EPHB6: variants seen among roughly 807,000 people sequenced by gnomAD.
EPHB6 encodes the protein EPH receptor B6.
In EPHB6, 51 loss-of-function variants were observed where a neutral mutation model predicts 107.0. The ratio of observed to expected loss-of-function variants is 0.48; its 90% CI spans 0.38 to 0.60. The LOEUF is 0.60. EPHB6 is among the 20% of genes least tolerant of loss of function. The probability of loss-of-function intolerance (pLI) is 0.00; values close to 1 mark genes in which losing one functional copy is unlikely to be tolerated. For synonymous variants in EPHB6, 553 were observed against 549.0 expected (o/e 1.01, Z -0.10); for missense variants, 1,141 against 1,355.5 (o/e 0.84, Z 2.48).
Position 142,868,520 on chromosome 7 carries a change from C to T in EPHB6, c.2067C>T (p.Arg689=). 1.2e-6 allele frequency: 2 copies of T among 1,613,876 alleles called. No individual in the cohort carries two copies. Among genetic ancestry groups the T allele is most frequent in the Non-Finnish European group, 1.7e-6 (2 of 1,180,038 alleles). The change falls in exon 15 of 20, where the codon CGC becomes CGT. Residue 689 remains arginine (R), a synonymous_variant. Coordinates refer to ENST00000652003, the MANE Select transcript of EPHB6 (RefSeq NM_004445.6). This position sits in a 1 kb window ranked among gnomAD's most constrained non-coding sequence, Gnocchi z 4.2. ...CTTTTGGAGAAGTGCGCCAGGGCCG[C>T]CTGCAGCCACGGGGACGGAGGGAGC... ...TGSFGEVRQG[R]LQPRGRREQT...
rs1478393209 is a variant in EPHB6 at position 142,864,254 on chromosome 7, T to A, written c.454T>A (p.Trp152Arg). 6.2e-7 allele frequency: 1 copy of A among 1,613,758 alleles called. No homozygotes were observed. Reference sequence around the variant, plus strand: ...CGTTTCCTCCTGGCACCTCAAACGCTGGACCAAGGTGGACACAATTGCAGC... The same window carrying A: ...CGTTTCCTCCTGGCACCTCAAACGCAGGACCAAGGTGGACACAATTGCAGC... ...DSVSSWHLKR[W>R]TKVDTIAADE... Residue 152 changes from tryptophan to arginine, a missense_variant, in exon 7 of 20, where the codon TGG becomes AGG. Physicochemically the swap from Trp to Arg is moderately radical, Grantham distance 101. Coordinates refer to ENST00000652003, the MANE Select transcript of EPHB6 (RefSeq NM_004445.6).
In EPHB6 at chr7:142,858,597, A is replaced by G. The variant is rs915942330; in HGVS notation, c.-431-2455A>G. Among the ~76,000 whole-genome samples the G allele has an allele frequency of 2.3e-4, 23 of 101,012 alleles. No homozygotes were observed. The East Asian group carries it at 2.6e-3, about 12-fold the overall frequency. The allele number at this position is 101,012 out of a possible 152,430, so 66.3% of individuals were successfully genotyped here. On this transcript the variant is annotated intron_variant, in intron 1 of 19. Coordinates refer to ENST00000652003, the MANE Select transcript of EPHB6 (RefSeq NM_004445.6). ...ACTACAGGCACACGCCACCACGCCC[A>G]GCTAATTTTTTTTTTTTTTTTTGTA...
In EPHB6 at chr7:142,870,251, C is replaced by T. The variant is rs778669235; in HGVS notation, c.2648C>T (p.Pro883Leu). Residue 883 changes from proline (P) to leucine (L), a missense_variant, in exon 18 of 20, where the codon CCG becomes CTG. Physicochemically the swap from Pro to Leu is moderately conservative, Grantham distance 98. Coordinates refer to ENST00000652003, the MANE Select transcript of EPHB6 (RefSeq NM_004445.6). ...NAIEQEFRLP[P>L]PPGCPPGLHL... ...ATAGAGCAGGAGTTCCGGCTGCCCC[C>T]GCCTCCAGGCTGTCCTCCTGGATTA... 9.9e-6 allele frequency: 16 copies of T among 1,614,224 alleles called. No individual in the cohort carries two copies. Among genetic ancestry groups the T allele is most frequent in the Admixed American group, 6.7e-5 (4 of 60,032 alleles).
At position 142,868,394 on chromosome 7, in the gene EPHB6, G is replaced by A. The variant is rs558305973; in HGVS notation, c.2038+34G>A. On this transcript the variant is annotated intron_variant, in intron 14 of 19. Transcript: ENST00000652003. The surrounding 1 kb of genome is among the most constrained non-coding windows in gnomAD (Gnocchi z 4.2). ...GGGCCAAAGCAGGGATCAGAGCGAC[G>A]GGGCTCCCTTGTGGCCTCCGCTGGC... The A allele has an allele frequency of 1.1e-5, 17 of 1,613,918 alleles. No individual in the cohort carries two copies. The highest frequency in any genetic ancestry group is 1.6e-4 in the Middle Eastern group (1 of 6,062).
Position 142,869,976 on chromosome 7 carries a change from G to T in EPHB6, c.2610+10G>T. The T allele has an allele frequency of 6.2e-7, 1 of 1,614,144 alleles. No individual in the cohort carries two copies. Among genetic ancestry groups the T allele is most frequent in the Non-Finnish European group, 8.5e-7 (1 of 1,180,028 alleles). ...CATGAGTGAGCAGGAGGTGAGCACT[G>T]ACCTAGACACTGCTGATTTCCCACC... is the stretch of plus-strand genomic sequence containing the variant. On this transcript the variant is annotated intron_variant, in intron 17 of 19. Coordinates refer to ENST00000652003, the MANE Select transcript of EPHB6 (RefSeq NM_004445.6). This position sits in a 1 kb window ranked among gnomAD's most constrained non-coding sequence, Gnocchi z 4.5.
rs8177175 is a variant in EPHB6 at position 142,866,517 on chromosome 7, G to C, written c.1499G>C (p.Arg500Pro). The C allele has an allele frequency of 6.2e-7, 1 of 1,614,022 alleles. No individual in the cohort carries two copies. Among genetic ancestry groups the C allele is most frequent in the Non-Finnish European group, 8.5e-7 (1 of 1,180,028 alleles). The change falls in exon 10 of 20, where the codon CGG becomes CCG. Residue 500 changes from arginine (R) to proline (P), a missense_variant. By Grantham distance (103) the Arg-to-Pro change is moderately radical. Around this residue, in one of 3 missense-constraint regions of EPHB6, gnomAD observed 616 missense variants for 759.3 expected, o/e 0.81. Coordinates refer to ENST00000652003, the MANE Select transcript of EPHB6 (RefSeq NM_004445.6). This position sits in a 1 kb window ranked among gnomAD's most constrained non-coding sequence, Gnocchi z 5.2. Reference protein sequence around the residue: ...SAVPVVHQVSRASNSITVSWP... With the variant: ...SAVPVVHQVSPASNSITVSWP... ...GTCCCTGTGGTGCACCAGGTGAGCCGGGCATCCAACAGCATCACGGTGTCC... is the reference window on the plus strand; with the variant it reads ...GTCCCTGTGGTGCACCAGGTGAGCCCGGCATCCAACAGCATCACGGTGTCC...
chr7:142,866,186 C>A lies in EPHB6; in HGVS notation c.1332C>A (p.Ser444Arg). 1 of 1,614,118 alleles carries A rather than the reference C, an allele frequency of 6.2e-7. No individual in the cohort carries two copies. Among genetic ancestry groups the A allele is most frequent in the Non-Finnish European group, 8.5e-7 (1 of 1,180,022 alleles). ...FDPRQRGLTE[S>R]RVLVGGLRAH... ...CTCGCCAGAGAGGCCTGACTGAGAG[C>A]CGAGTGTTAGTGGGGGGACTCCGGG... is the stretch of plus-strand genomic sequence containing the variant. The change falls in exon 9 of 20, where the codon AGC becomes AGA. Residue 444 changes from serine (S) to arginine (R), a missense_variant. Physicochemically the swap from Ser to Arg is moderately radical, Grantham distance 110. This residue lies in a region of EPHB6 where 304 missense variants were observed against 295.7 expected (regional missense o/e 1.03). Coordinates refer to ENST00000652003, the MANE Select transcript of EPHB6 (RefSeq NM_004445.6). This position sits in a 1 kb window ranked among gnomAD's most constrained non-coding sequence, Gnocchi z 5.2.
At position 142,866,530 on chromosome 7, in the gene EPHB6, C is replaced by T; in HGVS notation, c.1512C>T (p.Ser504=). The change falls in exon 10 of 20, where the codon AGC becomes AGT. Residue 504 remains serine (S), a synonymous_variant. Coordinates refer to ENST00000652003, the MANE Select transcript of EPHB6 (RefSeq NM_004445.6). This position sits in a 1 kb window ranked among gnomAD's most constrained non-coding sequence, Gnocchi z 5.2. ...ACCAGGTGAGCCGGGCATCCAACAG[C>T]ATCACGGTGTCCTGGCCGCAGCCCG... The part of the protein sequence containing the change: ...VVHQVSRASN[S]ITVSWPQPDQ... 6.2e-7 allele frequency: 1 copy of T among 1,614,204 alleles called. No homozygotes were observed. Among genetic ancestry groups the T allele is most frequent in the South Asian group, 1.1e-5 (1 of 91,080 alleles).
intron 4 of EPHB6, 133 bp downstream of exon 4, chr7:142,862,966 G>A (rs1802914388): frequency 1.8e-6 from 1 of 544,346 alleles, no homozygotes; most frequent in Non-Finnish European, 3.3e-6. Context: ...CGGCTCAGGA[G>A]AGGCAGTATG....
At chr7:142,862,899 A>G (rs8177134) in intron 4 of EPHB6, 66 bp downstream of exon 4, 5,964 of 315,870 alleles carry the variant, frequency 0.019, 83 homozygotes, top group Middle Eastern at 0.029. Context: ...AAATGAACAC[A>G]GAGACAGGGT....
Position 142,866,198 on chromosome 7 carries a change from G to T in EPHB6, c.1344G>T (p.Val448=). The part of the protein sequence containing the change: ...QRGLTESRVL[V]GGLRAHVPYI... The stretch of plus-strand genomic sequence containing the variant: ...GCCTGACTGAGAGCCGAGTGTTAGT[G>T]GGGGGACTCCGGGCACACGTACCCT... The change falls in exon 9 of 20, where the codon GTG becomes GTT. Residue 448 remains valine (V), a synonymous_variant. Coordinates refer to ENST00000652003, the MANE Select transcript of EPHB6 (RefSeq NM_004445.6). This position sits in a 1 kb window ranked among gnomAD's most constrained non-coding sequence, Gnocchi z 5.2. 1.2e-6 allele frequency: 2 copies of T among 1,614,124 alleles called. No individual in the cohort carries two copies. The highest frequency in any genetic ancestry group is 1.7e-6 in the Non-Finnish European group (2 of 1,180,010).
chr7:142,856,976 C>A (rs1223886037), intron 1 of EPHB6, among the ~76,000 whole-genome samples: 1 of 152,232 alleles, frequency 6.6e-6, no homozygotes, highest in African/African-American at 2.4e-5. Context: ...ACTCCTGGCA[C>A]TCAGGGGCTT....
intron 5 of EPHB6, 57 bp downstream of exon 5, chr7:142,863,384 G>A: frequency 6.6e-7 from 1 of 1,521,882 alleles, no homozygotes; most frequent in South Asian, 1.1e-5. Context: ...CAGTGAAAGG[G>A]GGAAGTGGGA....
chr7:142,863,907 C>T (rs1802976398), intron 6 of EPHB6, 59 bp from the exon 7 acceptor site: 1 of 1,611,194 alleles, frequency 6.2e-7, no homozygotes. Context: ...TCCCTATAAC[C>T]TCTACCTCGC....
chr7:142,867,380 A>T lies in EPHB6; in HGVS notation c.1751-228A>T. On this transcript the variant is annotated intron_variant, in intron 11 of 19. Coordinates refer to ENST00000652003, the MANE Select transcript of EPHB6 (RefSeq NM_004445.6). This position sits in a 1 kb window ranked among gnomAD's most constrained non-coding sequence, Gnocchi z 5.3. ...GTGTGTTGTGTGTCCCTGTGTGTGG[A>T]TGTGGAGGGCTGTGGGGATGTGTGT... 1.6e-6 allele frequency: 1 copy of T among 613,142 alleles called. No homozygotes were observed. The highest frequency in any genetic ancestry group is 1.8e-5 in the South Asian group (1 of 55,782). 38.0% of individuals were successfully genotyped at this position (613,142 alleles called of 1,614,324 possible). A position where few individuals can be genotyped will look rare whatever the true frequency, so the allele number is the denominator to read the frequency against.
Position 142,868,353 on chromosome 7 carries a change from T to C in EPHB6, c.2031T>C (p.Ile677=). ...DPAYIKIEEV[I]GTGSFGEVRQ... ...CTTATATCAAGATTGAGGAGGTCAT[T>C]GGGACAGGTACAGCAGGGCCAAAGC... The change falls in exon 14 of 20, where the codon ATT becomes ATC. Residue 677 remains isoleucine, a synonymous_variant. Coordinates refer to ENST00000652003, the MANE Select transcript of EPHB6 (RefSeq NM_004445.6). This position sits in a 1 kb window ranked among gnomAD's most constrained non-coding sequence, Gnocchi z 4.2. 1 of 1,614,046 alleles carries C rather than the reference T, an allele frequency of 6.2e-7. No homozygotes were observed. The highest frequency in any genetic ancestry group is 8.5e-7 in the Non-Finnish European group (1 of 1,179,992).
chr7:142,865,460 CCT>C lies in EPHB6; in HGVS notation c.950-12_950-11del. On this transcript the variant is annotated splice_polypyrimidine_tract_variant and intron_variant, in intron 7 of 19. Coordinates refer to ENST00000652003, the MANE Select transcript of EPHB6 (RefSeq NM_004445.6). ...AGAGCGAGTGTGACGCCCCCACTCT[CCT>C]CTGCCTCCTCAGCCTGCCCACGGGG... 1 of 1,612,856 alleles carries C rather than the reference CCT, an allele frequency of 6.2e-7. No individual in the cohort carries two copies. Among genetic ancestry groups the C allele is most frequent in the Non-Finnish European group, 8.5e-7 (1 of 1,179,976 alleles).
Position 142,858,661 on chromosome 7 carries a change from C to T in EPHB6, c.-431-2391C>T, listed in dbSNP as rs8177117. 9.2e-3 allele frequency among the ~76,000 whole-genome samples: 1,362 copies of T among 147,784 alleles called. 16 individuals are homozygous for T. The highest frequency in any genetic ancestry group is 0.031 in the African/African-American group (1,271 of 40,364). ...CGGGGTTTCACCGTGTTAGCCAGGA[C>T]GGTCTCGATCTCCTGATCTTGTGAT... is the stretch of plus-strand genomic sequence containing the variant. On this transcript the variant is annotated intron_variant, in intron 1 of 19. Transcript: ENST00000652003.
intron 7 of EPHB6, among the ~76,000 whole-genome samples, chr7:142,865,006 C>T (rs191758651): frequency 4.6e-5 from 7 of 152,316 alleles, no homozygotes; most frequent in South Asian, 2.1e-4. Context: ...GCCTGAGAAG[C>T]GATGGAGACC....
Sources: allele counts gnomAD v4.1 joint callset (sites outside exome capture counted in the v4.1 genomes callset), GRCh38; gene constraint gnomAD v4.1.1; regional missense constraint gnomAD v4.1.1; non-coding constraint Gnocchi (gnomAD v3.1); transcripts MANE v1.5; gene names NCBI Gene and HGNC (gene_info 2026-07-23, HGNC 2026-07-21).